TCF7: variants seen among roughly 807,000 people sequenced by gnomAD.
The protein encoded by TCF7 is transcription factor 7.
In TCF7, 19 loss-of-function variants were observed where a neutral mutation model predicts 46.8. The ratio of observed to expected loss-of-function variants is 0.41; its 90% confidence interval spans 0.28 to 0.60. The LOEUF is 0.60. Ranked by LOEUF, TCF7 falls within the 20% of genes least tolerant of loss-of-function variation. The probability of loss-of-function intolerance (pLI) is 0.35; values close to 1 mark genes in which losing one functional copy is unlikely to be tolerated. For synonymous variants in TCF7, 245 were observed against 213.4 expected (o/e 1.15, Z -1.29); for missense variants, 547 against 504.6 (o/e 1.08, Z -0.81).
intron 5 of TCF7, chr5:134,141,864 G>A (rs997694410): frequency 8.6e-6 from 2 of 232,374 alleles, no homozygotes; most frequent in Non-Finnish European, 1.7e-5. Flanking sequence ...GAGGGATGAG[G>A]CCTCACAGGG....
At chr5:134,122,928 C>T (rs895415779) in intron 3 of TCF7, among the ~76,000 whole-genome samples, 4 of 152,108 alleles carry the variant, frequency 2.6e-5, no homozygotes, top group African/African-American at 9.7e-5. Flanking sequence ...AGAGGGAAGG[C>T]GTTGAGTCTG....
chr5:134,121,078 GGCC>G (rs1163538532), intron 3 of TCF7, among the ~76,000 whole-genome samples: 1 of 152,168 alleles, frequency 6.6e-6, no homozygotes, highest in African/African-American at 2.4e-5. Flanking sequence ...CAGGTGTACA[GGCC>G]GCCTACTTAC....
chr5:134,137,388 T>C (rs1225585368), intron 3 of TCF7, among the ~76,000 whole-genome samples: 4 of 140,874 alleles, frequency 2.8e-5, no homozygotes, highest in Non-Finnish European at 6.0e-5. Flanking sequence ...ATCGCGCCAC[T>C]GTACTCCAGC....
Position 134,146,664 on chromosome 5 carries a change from G to T in TCF7, c.*361G>T. 2 of 642,934 alleles carry T rather than the reference G, an allele frequency of 3.1e-6. No homozygotes were observed. Among genetic ancestry groups the T allele is most frequent in the Non-Finnish European group, 5.5e-6 (2 of 362,302 alleles). The allele number at this position is 642,934 out of a possible 1,614,324, so 39.8% of individuals were successfully genotyped here. On this transcript the variant is annotated 3_prime_UTR_variant, in exon 10 of 10. Transcript: ENST00000342854. ...AGATTTCAGAGGCTGCAGGACTTCT[G>T]CCTGAACCTGGGGTCATCGATTCAA...
chr5:134,120,513 C>T (rs1756420869), intron 3 of TCF7, among the ~76,000 whole-genome samples: 2 of 152,218 alleles, frequency 1.3e-5, no homozygotes, highest in Non-Finnish European at 1.5e-5. Context: ...TCCCTGACAG[C>T]AGTCCCCTCC....
Position 134,143,393 on chromosome 5 carries a change from C to A in TCF7, c.1027-199C>A, listed in dbSNP as rs751572123. On this transcript the variant is annotated intron_variant, in intron 8 of 9. Transcript: ENST00000342854. ...CACCTCCTTCCATTCAAACTGGAGA[C>A]CAGATTGGGGTGAGGGAAGAGCTTC... 12 of 800,226 alleles carry A rather than the reference C, an allele frequency of 1.5e-5. 1 individual carries two copies. The South Asian group carries it at 1.6e-4, about 11-fold the overall frequency. 49.6% of individuals were successfully genotyped at this position (800,226 alleles called of 1,614,324 possible). A position where few individuals can be genotyped will look rare whatever the true frequency, so the allele number is the denominator to read the frequency against.
intron 3 of TCF7, among the ~76,000 whole-genome samples, chr5:134,132,378 A>T (rs952960228): frequency 6.6e-6 from 1 of 152,016 alleles, no homozygotes; most frequent in Non-Finnish European, 1.5e-5. Flanking sequence ...TCATAAATAC[A>T]CCCTGACCAA....
At position 134,144,548 on chromosome 5, in the gene TCF7, CTCCCTCCCATTCT is replaced by C. The variant is rs1760386625; in HGVS notation, c.1075+913_1075+925del. 1.8e-5 allele frequency: 9 copies of C among 512,542 alleles called. No individual in the cohort carries two copies. In the East Asian group the frequency reaches 3.1e-4, roughly 18 times the overall value. 31.7% of individuals were successfully genotyped at this position (512,542 alleles called of 1,614,324 possible). ...AGATGAGCCAGATTGACAGGACTCC[CTCCCTCCCATTCT>C]TCCCACTGCCTCTACTGCGTACCTG... On this transcript the variant is annotated intron_variant, in intron 9 of 9. Transcript: ENST00000342854.
intron 3 of TCF7, among the ~76,000 whole-genome samples, chr5:134,134,877 T>C (rs1758635025): frequency 2.0e-5 from 3 of 152,158 alleles, no homozygotes; most frequent in Non-Finnish European, 1.5e-5. Flanking sequence ...AAAGCACCCA[T>C]GGGAAGCCCC....
At position 134,142,811 on chromosome 5, in the gene TCF7, G is replaced by A. The variant is rs771382128; in HGVS notation, c.846G>A (p.Glu282=). Residue 282 remains glutamate, a synonymous_variant, in exon 7 of 10, where the codon GAG becomes GAA. Transcript: ENST00000342854. ...PLNAFMLYMK[E]MRAKVIAECT... ...ATGCCTTCATGCTGTACATGAAGGA[G>A]ATGAGAGCCAAGGTCATTGCAGAGT... The A allele has an allele frequency of 1.2e-6, 2 of 1,614,196 alleles. No individual in the cohort carries two copies. The highest frequency in any genetic ancestry group is 1.7e-6 in the Non-Finnish European group (2 of 1,180,032).
Position 134,146,678 on chromosome 5 carries a change from T to A in TCF7, c.*375T>A. On this transcript the variant is annotated 3_prime_UTR_variant, in exon 10 of 10. Coordinates refer to ENST00000342854, the MANE Select transcript of TCF7 (RefSeq NM_003202.5). Reference sequence around the variant, plus strand: ...GCAGGACTTCTGCCTGAACCTGGGGTCATCGATTCAAACTGCTCCAAGTGG... The same window carrying A: ...GCAGGACTTCTGCCTGAACCTGGGGACATCGATTCAAACTGCTCCAAGTGG... 1.6e-6 allele frequency: 1 copy of A among 630,372 alleles called. No individual in the cohort carries two copies. Among genetic ancestry groups the A allele is most frequent in the South Asian group, 1.9e-5 (1 of 53,472 alleles). The allele number at this position is 630,372 out of a possible 1,614,324, so 39.0% of individuals were successfully genotyped here. A position where few individuals can be genotyped will look rare whatever the true frequency, so the allele number is the denominator to read the frequency against.
chr5:134,146,397 C>T lies in TCF7; in HGVS notation c.*94C>T, dbSNP rs751570374. ...CTGCTTACTAGCCCTGCGGAGCCGGCACCTACATCCCCAGGTCTCTCCACT... is the reference window on the plus strand; with the variant it reads ...CTGCTTACTAGCCCTGCGGAGCCGGTACCTACATCCCCAGGTCTCTCCACT... On this transcript the variant is annotated 3_prime_UTR_variant, in exon 10 of 10. Coordinates refer to ENST00000342854, the MANE Select transcript of TCF7 (RefSeq NM_003202.5). 6.9e-7 allele frequency: 1 copy of T among 1,458,436 alleles called. No individual in the cohort carries two copies. The highest frequency in any genetic ancestry group is 9.6e-7 in the Non-Finnish European group (1 of 1,038,358). The allele number at this position is 1,458,436 out of a possible 1,614,324, so 90.3% of individuals were successfully genotyped here.
chr5:134,134,955 T>C (rs1561678352), intron 3 of TCF7, among the ~76,000 whole-genome samples: 2 of 152,174 alleles, frequency 1.3e-5, no homozygotes, highest in African/African-American at 2.4e-5. Context: ...CCAGATCACG[T>C]AGAGCTTTAC....
chr5:134,134,175 GGGGCAGAGCCCCAACTCT>G (rs908268381), intron 3 of TCF7, among the ~76,000 whole-genome samples: 9 of 152,246 alleles, frequency 5.9e-5, no homozygotes, highest in African/African-American at 1.9e-4. Context: ...TCACTACCTT[GGGGCAGAGCCCCAACTCT>G]GGGCAGAGCA....
chr5:134,145,325 AC>A (rs766795735), intron 9 of TCF7: 1 of 538,930 alleles, frequency 1.9e-6, no homozygotes, highest in South Asian at 1.4e-5. Context: ...ACAACACAGA[AC>A]CATCTGGTTG....
At position 134,114,941 on chromosome 5, in the gene TCF7, G is replaced by A; in HGVS notation, c.35G>A (p.Gly12Asp). The A allele has an allele frequency of 7.2e-6, 8 of 1,110,536 alleles. No individual in the cohort carries two copies. Among genetic ancestry groups the A allele is most frequent in the Middle Eastern group, 4.1e-4 (1 of 2,460 alleles). 68.8% of individuals were successfully genotyped at this position (1,110,536 alleles called of 1,614,324 possible). A position where few individuals can be genotyped will look rare whatever the true frequency, so the allele number is the denominator to read the frequency against. ...CTGGACTCCGGCGGGGGCGGCGCGG[G>A]CGGCGGCGACGACCTCGGCGCGCCG... Reference protein sequence around the residue: ...PQLDSGGGGAGGGDDLGAPDE... With the variant: ...PQLDSGGGGADGGDDLGAPDE... Residue 12 changes from glycine to aspartate, a missense_variant, in exon 1 of 10, where the codon GGC becomes GAC. Physicochemically the swap from Gly to Asp is moderately conservative, Grantham distance 94. Coordinates refer to ENST00000342854, the MANE Select transcript of TCF7 (RefSeq NM_003202.5).
chr5:134,115,602 C>G (rs944735538), intron 2 of TCF7: 1 of 1,433,472 alleles, frequency 7.0e-7, no homozygotes, highest in African/African-American at 1.4e-5. Flanking sequence ...AAACAGACCC[C>G]CGCCATCCCC....
intron 5 of TCF7, chr5:134,140,696 T>C: frequency 2.4e-6 from 1 of 416,176 alleles, no homozygotes; most frequent in Non-Finnish European, 4.8e-6. Flanking sequence ...GGCCCATCTG[T>C]CTCACAGGAT....
rs1176737054 is a variant in TCF7 at position 134,142,244 on chromosome 5, C to T, written c.695C>T (p.Pro232Leu). The T allele has an allele frequency of 4.3e-6, 7 of 1,610,920 alleles. No homozygotes were observed. The highest frequency in any genetic ancestry group is 4.0e-5 in the African/African-American group (3 of 74,864). The change falls in exon 6 of 10, where the codon CCC (proline) becomes CTC (leucine). Residue 232 changes from proline (P) to leucine (L), a missense_variant. Transcript: ENST00000342854. Reference protein sequence around the residue: ...SGVPGHPAAIPHPAIVPPSGK... With the variant: ...SGVPGHPAAILHPAIVPPSGK... The stretch of plus-strand genomic sequence containing the variant: ...GTACCTGGTCACCCAGCAGCCATCC[C>T]CCACCCGGCCATTGTGCCCCCCTCA...
Sources: gnomAD v4.1 joint callset for allele counts (sites outside exome capture counted in the v4.1 genomes callset) on GRCh38, gnomAD v4.1.1 for gene constraint, MANE v1.5 for transcripts, NCBI Gene and HGNC (gene_info 2026-07-23, HGNC 2026-07-21) for gene names.